RFX3: variants seen among roughly 807,000 people sequenced by gnomAD.
RFX3 encodes transcription factor RFX3.
RFX3 carries 14 observed loss-of-function variants against 98.6 expected under a neutral mutation model. The ratio of observed to expected loss-of-function variants is 0.14; its 90% CI spans 0.09 to 0.22. The LOEUF (loss-of-function observed/expected upper bound fraction) is 0.22. Among genes scored for constraint, RFX3 ranks in the 10% least tolerant of loss-of-function variants. RFX3 has a pLI of 1.00. For missense variants in RFX3, 639 were observed against 926.9 expected (o/e 0.69, Z 4.03); for synonymous variants, 383 against 328.4 (o/e 1.17, Z -1.80).
chr9:3,255,899 G>T (rs1463710976), intron 14 of RFX3, among the ~76,000 whole-genome samples: 1 of 151,936 alleles, frequency 6.6e-6, no homozygotes, highest in Non-Finnish European at 1.5e-5. Context: ...GATTACTGAT[G>T]ATCATTAGAA....
At chr9:3,414,370 G>A (rs988762120) in intron 1 of RFX3, among the ~76,000 whole-genome samples, 2 of 151,888 alleles carry the variant, frequency 1.3e-5, no homozygotes. Context: ...TGCAAAATCA[G>A]TGAGAAATTA....
At chr9:3,518,495 A>C (rs1386568223) in intron 1 of RFX3, among the ~76,000 whole-genome samples, 1 of 152,168 alleles carries the variant, frequency 6.6e-6, no homozygotes, top group Non-Finnish European at 1.5e-5. Flanking sequence ...ACAATATACA[A>C]TGCTTTGGCA....
At chr9:3,265,958 G>A (rs376923391) in intron 12 of RFX3, among the ~76,000 whole-genome samples, 1 of 151,824 alleles carries the variant, frequency 6.6e-6, no homozygotes, top group Non-Finnish European at 1.5e-5. Context: ...ATATTGTTTA[G>A]AAAGAGCTTA....
chr9:3,440,871 T>C (rs1845550946), intron 1 of RFX3, among the ~76,000 whole-genome samples: 1 of 152,178 alleles, frequency 6.6e-6, no homozygotes, highest in Non-Finnish European at 1.5e-5. Context: ...AGTATGTTAC[T>C]GGGGTAAAAA....
At chr9:3,501,168 T>C (rs896875022) in intron 1 of RFX3, among the ~76,000 whole-genome samples, 4 of 152,182 alleles carry the variant, frequency 2.6e-5, no homozygotes, top group Non-Finnish European at 4.4e-5. Context: ...CCAGTTTTCT[T>C]GGACTAGTAA....
At chr9:3,247,784 C>T (rs1820878946) in intron 15 of RFX3, 3 of 1,596,380 alleles carry the variant, frequency 1.9e-6, no homozygotes, top group Non-Finnish European at 2.6e-6. Context: ...ACATAGGTAC[C>T]TGTATAATAT....
At chr9:3,524,270 G>A (rs1818999449) in intron 1 of RFX3, among the ~76,000 whole-genome samples, 1 of 151,980 alleles carries the variant, frequency 6.6e-6, no homozygotes, top group Non-Finnish European at 1.5e-5. Context: ...CTGGGTTAAC[G>A]TTAACCAAGA....
chr9:3,521,759 C>A (rs1476871542), intron 1 of RFX3, among the ~76,000 whole-genome samples: 1 of 152,070 alleles, frequency 6.6e-6, no homozygotes, highest in Non-Finnish European at 1.5e-5. Flanking sequence ...CTATTTCCAA[C>A]ATATAAAAAA....
At chr9:3,398,285 A>G (rs2131981322) in intron 1 of RFX3, among the ~76,000 whole-genome samples, 1 of 152,262 alleles carries the variant, frequency 6.6e-6, no homozygotes, top group South Asian at 2.1e-4. Context: ...GAGAATACAC[A>G]AATTAAGAAC....
chr9:3,228,802 T>C (rs1266155711), intron 16 of RFX3, 45 bp downstream of exon 16: 3 of 1,498,836 alleles, frequency 2.0e-6, no homozygotes, highest in Non-Finnish European at 2.8e-6. Flanking sequence ...AAGAACTTAT[T>C]AATAAATAAA....
intron 2 of RFX3, among the ~76,000 whole-genome samples, chr9:3,376,866 G>C (rs1362729456): frequency 2.0e-5 from 3 of 152,200 alleles, no homozygotes; most frequent in African/African-American, 7.2e-5. Context: ...CTGGCCATCA[G>C]AGAAATGCAA....
chr9:3,271,839 C>T (rs964438279), intron 9 of RFX3, among the ~76,000 whole-genome samples: 1 of 152,112 alleles, frequency 6.6e-6, no homozygotes, highest in African/African-American at 2.4e-5. Context: ...GGGCAGAAAC[C>T]ATGGAGTCAG....
At position 3,346,678 on chromosome 9, in the gene RFX3, GGTATAGACA is replaced by G; in HGVS notation, c.195_203del (p.Val66_Thr68del). The G allele has an allele frequency of 6.2e-7, 1 of 1,605,410 alleles. No homozygotes were observed. Among genetic ancestry groups the G allele is most frequent in the Non-Finnish European group, 8.5e-7 (1 of 1,172,148 alleles). ...ACATATAAACTTACATTGCTCCATTGGTATAGACAGTATCGCTTCCTTCCACATACTGCA... is the reference window on the plus strand; with the variant it reads ...ACATATAAACTTACATTGCTCCATTGGTATCGCTTCCTTCCACATACTGCA... On this transcript the variant is annotated inframe_deletion, in exon 3 of 17. Coordinates refer to ENST00000617270, the MANE Select transcript of RFX3 (RefSeq NM_001282116.2).
intron 2 of RFX3, among the ~76,000 whole-genome samples, chr9:3,361,714 A>C (rs1458324161): frequency 2.6e-5 from 4 of 151,718 alleles, no homozygotes; most frequent in Non-Finnish European, 4.4e-5. Flanking sequence ...TTCGGAGGCC[A>C]AGATGGGTGG....
intron 15 of RFX3, among the ~76,000 whole-genome samples, chr9:3,231,414 G>C (rs1818425619): frequency 6.6e-6 from 1 of 152,110 alleles, no homozygotes; most frequent in African/African-American, 2.4e-5. Context: ...TACTCATTTA[G>C]TCAATACATA....
chr9:3,286,128 A>C (rs1418477730), intron 7 of RFX3, among the ~76,000 whole-genome samples: 5 of 151,872 alleles, frequency 3.3e-5, no homozygotes, highest in African/African-American at 1.2e-4. Context: ...TTTCTGAAGC[A>C]AACTTTCTTT....
chr9:3,321,878 A>AT (rs1376503011), intron 4 of RFX3, among the ~76,000 whole-genome samples: 1 of 152,050 alleles, frequency 6.6e-6, no homozygotes, highest in Non-Finnish European at 1.5e-5. Flanking sequence ...TCCAAATATC[A>AT]TTTACTGATA....
chr9:3,441,635 A>G (rs539654133), intron 1 of RFX3, among the ~76,000 whole-genome samples: 1 of 152,284 alleles, frequency 6.6e-6, no homozygotes, highest in South Asian at 2.1e-4. Context: ...TCAATGGCCA[A>G]AGCTGGAACG....
At chr9:3,270,230 C>T in intron 11 of RFX3, 141 bp downstream of exon 11, 1 of 743,482 alleles carries the variant, frequency 1.3e-6, no homozygotes, top group Non-Finnish European at 2.1e-6. Context: ...TGCTTTCACG[C>T]AATATTCTGT....
Sources: allele counts gnomAD v4.1 joint callset (sites outside exome capture counted in the v4.1 genomes callset), GRCh38; gene constraint gnomAD v4.1.1; transcripts MANE v1.5; gene names NCBI Gene and HGNC (gene_info 2026-07-23, HGNC 2026-07-21).